PCDH17: variants seen among roughly 807,000 people sequenced by gnomAD.
PCDH17 encodes the protein protocadherin-17.
A neutral mutation model predicts 67.7 loss-of-function variants in PCDH17; 21 were observed. The ratio of observed to expected loss-of-function variants is 0.31; its 90% CI spans 0.22 to 0.45. PCDH17 has a LOEUF of 0.45. Among genes scored for constraint, PCDH17 ranks in the 20% least tolerant of loss-of-function variants. PCDH17 has a pLI of 1.00. For synonymous variants in PCDH17, 701 were observed against 656.7 expected, an observed-to-expected ratio of 1.07 and a Z score of -1.03; for missense variants, 1,471 against 1,564.8, an observed-to-expected ratio of 0.94 and a Z score of 1.01.
intron 3 of PCDH17, among the ~76,000 whole-genome samples, chr13:57,696,336 C>A (rs367653224): frequency 1.3e-5 from 2 of 151,098 alleles, no homozygotes; most frequent in East Asian, 3.9e-4. Context: ...CAGACAAATT[C>A]TTATTTTATA....
chr13:57,713,413 T>G (rs1462563820), intron 3 of PCDH17, among the ~76,000 whole-genome samples: 1 of 151,548 alleles, frequency 6.6e-6, no homozygotes, highest in East Asian at 1.9e-4. Context: ...AACAGAATGG[T>G]TTTAGAGAGG....
At chr13:57,683,475 G>T (rs1372349052) in intron 3 of PCDH17, among the ~76,000 whole-genome samples, 1 of 151,808 alleles carries the variant, frequency 6.6e-6, no homozygotes, top group East Asian at 1.9e-4. Context: ...CAGATGCTCA[G>T]AATATAATGT....
Position 57,642,398 on chromosome 13 carries a change from A to T in PCDH17, c.2565+7287A>T, listed in dbSNP as rs56246819. ...TACTCTTATAAAAAACATTGGTTAC[A>T]TGTTTGTAAATTATATTGATACATA... is the stretch of plus-strand genomic sequence containing the variant. On this transcript the variant is annotated intron_variant, in intron 1 of 3. Coordinates refer to ENST00000377918, the MANE Select transcript of PCDH17 (RefSeq NM_001040429.3). 3.3e-5 allele frequency among the ~76,000 whole-genome samples: 5 copies of T among 151,728 alleles called. No homozygotes were observed. The East Asian group carries it at 9.7e-4, about 29-fold the overall frequency.
intron 3 of PCDH17, among the ~76,000 whole-genome samples, chr13:57,723,965 C>T (rs973191836): frequency 3.9e-5 from 6 of 152,058 alleles, no homozygotes; most frequent in African/African-American, 1.4e-4. Context: ...AAAAGCTGAA[C>T]AGAAAACTGA....
chr13:57,660,919 T>G (rs1955174496), intron 1 of PCDH17, among the ~76,000 whole-genome samples: 1 of 152,210 alleles, frequency 6.6e-6, no homozygotes, highest in African/African-American at 2.4e-5. Context: ...TGTATGATGG[T>G]CTGTCTGTTC....
intron 3 of PCDH17, among the ~76,000 whole-genome samples, chr13:57,675,309 T>G (rs1955379485): frequency 6.6e-6 from 1 of 151,950 alleles, no homozygotes; most frequent in South Asian, 2.1e-4. Flanking sequence ...GATTCTTTCC[T>G]TAGTGTTGTA....
chr13:57,639,319 A>C (rs1207782737), intron 1 of PCDH17, among the ~76,000 whole-genome samples: 2 of 151,900 alleles, frequency 1.3e-5, no homozygotes, highest in Non-Finnish European at 2.9e-5. Flanking sequence ...CAGATATTCA[A>C]TGTTTAGAGT....
chr13:57,630,534 A>G (rs913443720), upstream of PCDH17, among the ~76,000 whole-genome samples: 1 of 152,128 alleles, frequency 6.6e-6, no homozygotes, highest in African/African-American at 2.4e-5. Context: ...ATTTCGGGGT[A>G]CCTCTCGCCT....
chr13:57,648,215 G>A (rs1033177666), intron 1 of PCDH17, among the ~76,000 whole-genome samples: 1 of 151,756 alleles, frequency 6.6e-6, no homozygotes, highest in African/African-American at 2.4e-5. Flanking sequence ...ATATCCCCAG[G>A]TAGTATAAAT....
At chr13:57,676,508 A>G (rs975097582) in intron 3 of PCDH17, among the ~76,000 whole-genome samples, 3 of 151,922 alleles carry the variant, frequency 2.0e-5, no homozygotes, top group African/African-American at 7.2e-5. Flanking sequence ...TTTGGCAATC[A>G]GAGAGGTCAG....
At chr13:57,681,956 T>A (rs1955454784) in intron 3 of PCDH17, among the ~76,000 whole-genome samples, 1 of 151,844 alleles carries the variant, frequency 6.6e-6, no homozygotes, top group South Asian at 2.1e-4. Flanking sequence ...CTCTACAATG[T>A]ACAAAACTCT....
chr13:57,662,491 G>C (rs566584143), intron 1 of PCDH17, among the ~76,000 whole-genome samples: 46 of 152,074 alleles, frequency 3.0e-4, no homozygotes, highest in African/African-American at 9.9e-4. Flanking sequence ...TTAATTGATA[G>C]GCGCTATTAT....
At chr13:57,665,105 A>G (rs996770210) in intron 1 of PCDH17, among the ~76,000 whole-genome samples, 5 of 152,112 alleles carry the variant, frequency 3.3e-5, no homozygotes, top group Non-Finnish European at 5.9e-5. Context: ...GCTTCACTTC[A>G]TCTTTGCGTG....
chr13:57,711,868 G>A (rs529705372), intron 3 of PCDH17, among the ~76,000 whole-genome samples: 29 of 151,286 alleles, frequency 1.9e-4, no homozygotes, highest in South Asian at 6.3e-4. Flanking sequence ...ACATCAATGA[G>A]TTATGTATCT....
chr13:57,672,756 C>G lies in PCDH17; in HGVS notation c.2797+5923C>G, dbSNP rs1423695794. ...AGTCTGTGGAATGGTTACTGTAGTT[C>G]TGACTCTTCCAATTAAGCAGTCGAG... On this transcript the variant is annotated intron_variant, in intron 3 of 3. Transcript: ENST00000377918. Among the ~76,000 whole-genome samples the G allele has an allele frequency of 2.6e-5, 4 of 151,946 alleles. No homozygotes were observed. In the East Asian group the frequency reaches 7.8e-4, roughly 30 times the overall value.
Position 57,632,853 on chromosome 13 carries a change from C to T in PCDH17, c.307C>T (p.Gln103Ter). 3 of 1,613,978 alleles carry T rather than the reference C, an allele frequency of 1.9e-6. No individual in the cohort carries two copies. The highest frequency in any genetic ancestry group is 1.7e-6 in the Non-Finnish European group (2 of 1,180,024). Residue 103 changes from glutamine to a stop codon, truncating the protein, a stop_gained, in exon 1 of 4, where the codon CAG becomes TAG. Coordinates refer to ENST00000377918, the MANE Select transcript of PCDH17 (RefSeq NM_001040429.3). LOFTEE classifies it high-confidence loss of function. ...CCTGTGCCGCCACAATGCCAAGTGC[C>T]AGCTGTCCCTCGAGGTGTTCGCCAA... is the stretch of plus-strand genomic sequence containing the variant. ...ESLCRHNAKC[Q>*]LSLEVFANDK... is the part of the protein sequence containing the mutation.
intron 3 of PCDH17, among the ~76,000 whole-genome samples, chr13:57,673,310 A>G (rs995287252): frequency 1.3e-5 from 2 of 151,962 alleles, no homozygotes; most frequent in African/African-American, 4.8e-5. Context: ...TTATCTTGCT[A>G]TGCTTTAAGG....
At chr13:57,662,813 CAAAT>C (rs1218288568) in intron 1 of PCDH17, among the ~76,000 whole-genome samples, 3 of 152,080 alleles carry the variant, frequency 2.0e-5, no homozygotes, top group Admixed American at 2.0e-4. Flanking sequence ...AGAAAAAAGA[CAAAT>C]AATCAGAGAA....
Position 57,634,435 on chromosome 13 carries a change from G to A in PCDH17, c.1889G>A (p.Gly630Asp). The stretch of plus-strand genomic sequence containing the variant: ...CGTCTCACCTACGAGATCGTGGACG[G>A]CAACGACGACCACCTGTTTGAGATC... ...SGRLTYEIVD[G>D]NDDHLFEIDP... Residue 630 changes from glycine (G) to aspartate (D), a missense_variant, in exon 1 of 4, where the codon GGC (glycine) becomes GAC (aspartate). Transcript: ENST00000377918. This position sits in a 1 kb window ranked among gnomAD's most constrained non-coding sequence, Gnocchi z 7.8. The A allele has an allele frequency of 6.2e-7, 1 of 1,612,862 alleles. No homozygotes were observed. The highest frequency in any genetic ancestry group is 8.5e-7 in the Non-Finnish European group (1 of 1,179,976).
Sources: allele counts gnomAD v4.1 joint callset (sites outside exome capture counted in the v4.1 genomes callset), GRCh38; gene constraint gnomAD v4.1.1; non-coding constraint Gnocchi (gnomAD v3.1); transcripts MANE v1.5; gene names NCBI Gene and HGNC (gene_info 2026-07-23, HGNC 2026-07-21).